CTIF: variants seen among roughly 807,000 people sequenced by gnomAD.
CTIF encodes the protein CBP80/20-dependent translation initiation factor.
In CTIF, 21 loss-of-function variants were observed where a neutral mutation model predicts 66.0. That is an observed-to-expected ratio of 0.32 (90% CI 0.23 to 0.46). The LOEUF (loss-of-function observed/expected upper bound fraction) is 0.46, where lower values mean the gene tolerates loss of function less well. CTIF is among the 20% of genes least tolerant of loss of function. The probability of loss-of-function intolerance (pLI) is 1.00; values close to 1 mark genes in which losing one functional copy is unlikely to be tolerated. For missense variants in CTIF, 739 were observed against 812.7 expected, an observed-to-expected ratio of 0.91 and a Z score of 1.10; for synonymous variants, 345 against 326.4, an observed-to-expected ratio of 1.06 and a Z score of -0.62.
chr18:48,548,916 G>T (rs761116774), intron 1 of CTIF, among the ~76,000 whole-genome samples: 1 of 152,186 alleles, frequency 6.6e-6, no homozygotes, highest in African/African-American at 2.4e-5. Context: ...TTGCGCTAGT[G>T]TAAGGTGGTA....
intron 9 of CTIF, among the ~76,000 whole-genome samples, chr18:48,777,223 G>A (rs1289854316): frequency 6.6e-6 from 1 of 152,226 alleles, no homozygotes; most frequent in Non-Finnish European, 1.5e-5. Flanking sequence ...GCTGGCGGCA[G>A]CACCTGCTGG....
At chr18:48,742,890 G>A (rs549492112) in intron 7 of CTIF, among the ~76,000 whole-genome samples, 3 of 152,290 alleles carry the variant, frequency 2.0e-5, no homozygotes, top group East Asian at 3.9e-4. Flanking sequence ...GGGGCTTCAC[G>A]GAGATGGGAG....
At chr18:48,769,180 A>G (rs771170778) in intron 9 of CTIF, among the ~76,000 whole-genome samples, 4 of 152,060 alleles carry the variant, frequency 2.6e-5, no homozygotes, top group African/African-American at 4.8e-5. Context: ...GCCGATGTGC[A>G]CTCCAGGCAT....
intron 1 of CTIF, among the ~76,000 whole-genome samples, chr18:48,559,951 CA>C (rs1463005096): frequency 3.3e-5 from 5 of 152,054 alleles, no homozygotes; most frequent in African/African-American, 4.8e-5. Context: ...TAAATAAATA[CA>C]AATAAACCAA....
In CTIF at chr18:48,860,408, A is replaced by G. The variant is rs898530525; in HGVS notation, c.*849A>G. 1.2e-5 allele frequency: 2 copies of G among 160,258 alleles called. No homozygotes were observed. Among genetic ancestry groups the G allele is most frequent in the African/African-American group, 2.4e-5 (1 of 41,670 alleles). 9.9% of individuals were successfully genotyped at this position (160,258 alleles called of 1,614,324 possible). ...TAGAAGAAGGATTCGAGCCACAGAC[A>G]GCTTGCCAGTAGCCAATTAGGGTAA... On this transcript the variant is annotated 3_prime_UTR_variant, in exon 12 of 12. Coordinates refer to ENST00000256413, the MANE Select transcript of CTIF (RefSeq NM_014772.3).
intron 10 of CTIF, among the ~76,000 whole-genome samples, chr18:48,836,225 A>C (rs8098504): frequency 0.028 from 4,212 of 152,064 alleles, 188 homozygotes; most frequent in African/African-American, 0.097. Context: ...GTTAAAAAGT[A>C]TATTCTGTGC....
intron 9 of CTIF, among the ~76,000 whole-genome samples, chr18:48,798,922 C>A (rs1462560737): frequency 1.3e-5 from 2 of 152,170 alleles, no homozygotes; most frequent in Non-Finnish European, 2.9e-5. Context: ...CCCCAAGAAC[C>A]AATGAGCCGA....
At chr18:48,704,875 T>A (rs2062117) in intron 6 of CTIF, among the ~76,000 whole-genome samples, 1 of 151,990 alleles carries the variant, frequency 6.6e-6, no homozygotes, top group Non-Finnish European at 1.5e-5. Flanking sequence ...GGACCCTTGG[T>A]TGGGGAAGGA....
chr18:48,822,402 C>T (rs566290731), intron 10 of CTIF, among the ~76,000 whole-genome samples: 1 of 152,068 alleles, frequency 6.6e-6, no homozygotes, highest in Admixed American at 6.5e-5. Context: ...TTGTTGTTAA[C>T]CATAGTCACC....
At position 48,758,188 on chromosome 18, in the gene CTIF, C is replaced by T. The variant is rs1488685093; in HGVS notation, c.854C>T (p.Thr285Ile). 1.9e-6 allele frequency: 3 copies of T among 1,613,916 alleles called. No individual in the cohort carries two copies. The highest frequency in any genetic ancestry group is 2.2e-5 in the South Asian group (2 of 91,056). The change falls in exon 8 of 12, where the codon ACT becomes ATT. Residue 285 changes from threonine (T) to isoleucine (I), a missense_variant. Physicochemically the swap from Thr to Ile is moderately conservative, Grantham distance 89. This residue lies in a region of CTIF where 529 missense variants were observed against 520.3 expected (regional missense o/e 1.02). Coordinates refer to ENST00000256413, the MANE Select transcript of CTIF (RefSeq NM_014772.3). ...MTIENPKLED[T>I]AGDTGHSSLE... ...ATCGAGAACCCAAAACTGGAGGACA[C>T]TGCAGGGGACACCGGGCACAGCAGC... is the stretch of plus-strand genomic sequence containing the variant.
chr18:48,805,472 T>G, intron 9 of CTIF, among the ~76,000 whole-genome samples: 1 of 150,220 alleles, frequency 6.7e-6, no homozygotes, highest in Non-Finnish European at 1.5e-5. Flanking sequence ...GAGGGGAGAG[T>G]CTGACACAGG....
chr18:48,554,308 T>A (rs937400333), intron 1 of CTIF, among the ~76,000 whole-genome samples: 1 of 152,258 alleles, frequency 6.6e-6, no homozygotes, highest in Admixed American at 6.5e-5. Flanking sequence ...AACTGAGGAC[T>A]GGTTCTCTGA....
In CTIF at chr18:48,635,715, A is replaced by G. The variant is rs138167933; in HGVS notation, c.181-899A>G. Among the ~76,000 whole-genome samples, 48 of 152,308 alleles carry G rather than the reference A, an allele frequency of 3.2e-4. 1 individual carries two copies. The highest frequency in any genetic ancestry group is 1.1e-3 in the African/African-American group (47 of 41,558). Reference sequence around the variant, plus strand: ...CTACCTAATGTTTAATACAATAGTAAAAACACTATCATATACCTGGATAGC... The same window carrying G: ...CTACCTAATGTTTAATACAATAGTAGAAACACTATCATATACCTGGATAGC... On this transcript the variant is annotated intron_variant, in intron 2 of 11. Coordinates refer to ENST00000256413, the MANE Select transcript of CTIF (RefSeq NM_014772.3).
chr18:48,853,865 A>T (rs2069264489), intron 10 of CTIF, among the ~76,000 whole-genome samples: 1 of 152,202 alleles, frequency 6.6e-6, no homozygotes, highest in Admixed American at 6.5e-5. Flanking sequence ...TTGAGCCAGC[A>T]ACATGACCAG....
Position 48,817,397 on chromosome 18 carries a change from G to C in CTIF, c.1527+21G>C, listed in dbSNP as rs763975696. 21 of 1,599,548 alleles carry C rather than the reference G, an allele frequency of 1.3e-5. No individual in the cohort carries two copies. In the South Asian group the frequency reaches 2.3e-4, roughly 18 times the overall value. Reference sequence around the variant, plus strand: ...GGGAGGTAAGAGACCTGCCGCCTGTGCCCCCTGCACAGCCAGACAGCACCA... The same window carrying C: ...GGGAGGTAAGAGACCTGCCGCCTGTCCCCCCTGCACAGCCAGACAGCACCA... On this transcript the variant is annotated intron_variant, in intron 10 of 11. Coordinates refer to ENST00000256413, the MANE Select transcript of CTIF (RefSeq NM_014772.3).
At chr18:48,657,780 G>C (rs139805853) in intron 3 of CTIF, among the ~76,000 whole-genome samples, 2 of 152,142 alleles carry the variant, frequency 1.3e-5, no homozygotes, top group African/African-American at 4.8e-5. Flanking sequence ...TTTTCACTGA[G>C]TCCAGGAAGA....
chr18:48,739,667 G>A (rs1179024563), intron 7 of CTIF, among the ~76,000 whole-genome samples: 2 of 152,352 alleles, frequency 1.3e-5, no homozygotes, highest in South Asian at 4.1e-4. Context: ...TCAAAATGGC[G>A]GCCCGGCAGA....
rs1296983887 is a variant in CTIF, at chr18:48,761,606, A to G, written c.1288A>G (p.Thr430Ala). 1 of 1,614,154 alleles carries G rather than the reference A, an allele frequency of 6.2e-7. No individual in the cohort carries two copies. Among genetic ancestry groups the G allele is most frequent in the South Asian group, 1.1e-5 (1 of 91,092 alleles). ...KAVSDRSFAF[T>A]AAKLCDKMAL... ...TGTGTCCGACCGCAGCTTCGCCTTC[A>G]CCGCTGCCAAGCTCTGCGACAAGAT... Residue 430 changes from threonine to alanine, a missense_variant, in exon 9 of 12, where the codon ACC becomes GCC. Around this residue, in one of 2 missense-constraint regions of CTIF, gnomAD observed 210 missense variants for 292.3 expected, o/e 0.72. Transcript: ENST00000256413. The surrounding 1 kb of genome is among the most constrained non-coding windows in gnomAD (Gnocchi z 4.2).
intron 6 of CTIF, among the ~76,000 whole-genome samples, chr18:48,701,620 G>A (rs2092086057): frequency 6.6e-6 from 1 of 152,136 alleles, no homozygotes; most frequent in Non-Finnish European, 1.5e-5. Flanking sequence ...TGAAGAAGTG[G>A]CATTTTACTA....
Sources: gnomAD v4.1 joint callset for allele counts (sites outside exome capture counted in the v4.1 genomes callset) on GRCh38, gnomAD v4.1.1 for gene constraint, gnomAD v4.1.1 regional missense constraint, Gnocchi (gnomAD v3.1) non-coding constraint, MANE v1.5 for transcripts, NCBI Gene and HGNC (gene_info 2026-07-23, HGNC 2026-07-21) for gene names.